Variants in GFM2 observed in about 807,000 individuals in gnomAD.
GFM2 encodes the protein GTP dependent ribosome recycling factor mitochondrial 2, also known as ribosome-releasing factor 2, mitochondrial.
A neutral mutation model predicts 95.4 loss-of-function variants in GFM2; 72 were observed. The observed-to-expected ratio is 0.76, with a 90% confidence interval of 0.62 to 0.92. The LOEUF (loss-of-function observed/expected upper bound fraction) is 0.92. GFM2 is among the 40% of genes least tolerant of loss of function. The pLI is 0.00. For missense variants in GFM2, 825 were observed against 924.1 expected (o/e 0.89, Z 1.39); for synonymous variants, 276 against 317.5 (o/e 0.87, Z 1.39).
chr5:74,723,378 T>C, intron 19 of GFM2, among the ~76,000 whole-genome samples: 1 of 152,188 alleles, frequency 6.6e-6, no homozygotes, highest in East Asian at 1.9e-4. Context: ...GAGCTCATCA[T>C]TTTCTTCTCC....
chr5:74,730,126 A>C lies in GFM2; in HGVS notation c.1726+134T>G. On this transcript the variant is annotated intron_variant, in intron 17 of 20. Coordinates refer to ENST00000296805, the MANE Select transcript of GFM2 (RefSeq NM_032380.5). ...CAAAACAAAATCCTAAAAAAACAAA[A>C]AAACCCCACATACATAAAAACTGTC... 3.6e-6 allele frequency: 3 copies of C among 823,052 alleles called. No individual in the cohort carries two copies. The African/African-American group carries it at 5.2e-5, about 14-fold the overall frequency. 51.0% of individuals were successfully genotyped at this position (823,052 alleles called of 1,614,324 possible).
chr5:74,745,201 T>C (rs2112292878), intron 10 of GFM2, among the ~76,000 whole-genome samples: 1 of 152,040 alleles, frequency 6.6e-6, no homozygotes, highest in East Asian at 1.9e-4. Context: ...AAAAATTAGC[T>C]TGGAGTGGTG....
At chr5:74,740,794 T>A (rs528982897) in intron 11 of GFM2, among the ~76,000 whole-genome samples, 1 of 152,288 alleles carries the variant, frequency 6.6e-6, no homozygotes, top group South Asian at 2.1e-4. Flanking sequence ...TTTTTTTCAT[T>A]CTAACTTATG....
Position 74,747,753 on chromosome 5 carries a change from C to T in GFM2, c.547G>A (p.Ala183Thr). The T allele has an allele frequency of 1.2e-6, 2 of 1,611,558 alleles. No homozygotes were observed. Among genetic ancestry groups the T allele is most frequent in the Non-Finnish European group, 1.7e-6 (2 of 1,178,076 alleles). Reference protein sequence around the residue: ...EAQTLTVWRQADKHNIPRICF... With the variant: ...EAQTLTVWRQTDKHNIPRICF... ...ATTCGAGGTATATTGTGTTTATCAGCTTGCCTCCATACTGTGAGAGTCTGG... is the reference window on the plus strand; with the variant it reads ...ATTCGAGGTATATTGTGTTTATCAGTTTGCCTCCATACTGTGAGAGTCTGG... The change falls in exon 8 of 21, where the codon GCT becomes ACT. Residue 183 changes from alanine to threonine, a missense_variant. Transcript: ENST00000296805.
intron 7 of GFM2, among the ~76,000 whole-genome samples, chr5:74,749,655 A>G (rs1450356405): frequency 1.3e-5 from 2 of 152,184 alleles, no homozygotes; most frequent in Non-Finnish European, 2.9e-5. Flanking sequence ...AAGAACAATC[A>G]TATTCTCTTA....
chr5:74,734,839 T>A (rs189691886), intron 15 of GFM2, among the ~76,000 whole-genome samples: 1 of 152,302 alleles, frequency 6.6e-6, no homozygotes, highest in Admixed American at 6.5e-5. Context: ...TCCCTTCCTC[T>A]TGGGGGCTTA....
At position 74,721,794 on chromosome 5, in the gene GFM2, T is replaced by C. The variant is rs1204845251; in HGVS notation, c.2212-11A>G. 4 of 1,596,844 alleles carry C rather than the reference T, an allele frequency of 2.5e-6. No individual in the cohort carries two copies. The highest frequency in any genetic ancestry group is 2.6e-6 in the Non-Finnish European group (3 of 1,175,158). On this transcript the variant is annotated splice_polypyrimidine_tract_variant and intron_variant, in intron 20 of 20. Transcript: ENST00000296805. ...CACAGTTGAATAACCCTAATCAAAA[T>C]AATTTAAGTCATTTATATTATCAAA...
At chr5:74,725,246 C>T (rs1221460747) in intron 19 of GFM2, 2 of 166,828 alleles carry the variant, frequency 1.2e-5, no homozygotes, top group African/African-American at 4.8e-5. Flanking sequence ...AAACTGGAAC[C>T]AATATTGGAT....
chr5:74,730,151 C>G, intron 17 of GFM2, 109 bp downstream of exon 17: 4 of 1,032,716 alleles, frequency 3.9e-6, no homozygotes, highest in South Asian at 4.2e-5. Flanking sequence ...TAAAAACTGT[C>G]TCCTCTGATA....
chr5:74,735,012 G>GA (rs1742763083), intron 15 of GFM2, among the ~76,000 whole-genome samples: 1 of 152,120 alleles, frequency 6.6e-6, no homozygotes, highest in South Asian at 2.1e-4. Flanking sequence ...AATATAAAAT[G>GA]ACTCTCAAAT....
At position 74,763,596 on chromosome 5, in the gene GFM2, C is replaced by G. The variant is rs981746361; in HGVS notation, c.63+84G>C. On this transcript the variant is annotated intron_variant, in intron 2 of 20. Coordinates refer to ENST00000296805, the MANE Select transcript of GFM2 (RefSeq NM_032380.5). ...ATGACTCAACTAAATTTGGAATCAA[C>G]AGCTGATGAGATATACTGGGCATTT... is the stretch of plus-strand genomic sequence containing the variant. 7.1e-6 allele frequency: 5 copies of G among 707,138 alleles called. No homozygotes were observed. In the African/African-American group the frequency reaches 8.8e-5, roughly 12 times the overall value. 43.8% of individuals were successfully genotyped at this position (707,138 alleles called of 1,614,324 possible). A position where few individuals can be genotyped will look rare whatever the true frequency, so the allele number is the denominator to read the frequency against.
At chr5:74,766,213 A>G (rs1283011038) in intron 1 of GFM2, among the ~76,000 whole-genome samples, 3 of 152,184 alleles carry the variant, frequency 2.0e-5, no homozygotes, top group African/African-American at 7.2e-5. Context: ...CTGAGGTCGG[A>G]GGATCGCTTG....
intron 8 of GFM2, among the ~76,000 whole-genome samples, chr5:74,747,218 C>T (rs1317085642): frequency 6.6e-6 from 1 of 152,216 alleles, no homozygotes; most frequent in Non-Finnish European, 1.5e-5. Context: ...GCAGGTCTTA[C>T]AGCATCTACA....
At chr5:74,745,938 C>T in intron 9 of GFM2, 81 bp from the exon 10 acceptor site, 1 of 1,257,538 alleles carries the variant, frequency 8.0e-7, no homozygotes, top group Non-Finnish European at 1.1e-6. Context: ...TCTAATTGTA[C>T]CATTTTCCCC....
Position 74,738,621 on chromosome 5 carries a change from TA to T in GFM2, c.1100del (p.Leu367TyrfsTer27). The T allele has an allele frequency of 6.2e-7, 1 of 1,612,854 alleles. No homozygotes were observed. Among genetic ancestry groups the T allele is most frequent in the East Asian group, 2.2e-5 (1 of 44,866 alleles). On this transcript the variant is annotated frameshift_variant, in exon 13 of 21. Transcript: ENST00000296805. LOFTEE classifies it high-confidence loss of function. Reference protein sequence around the residue: ...YEFLQWYKDDLCALAFKVLHD... With the variant: ...YEFLQWYKDDXCALAFKVLHD... ...GGAGAACTTTAAATGCCAATGCACA[TA>T]AGTCATCCTTATACCACTGCCTATA...
intron 5 of GFM2, among the ~76,000 whole-genome samples, chr5:74,753,416 G>A (rs978196160): frequency 1.3e-5 from 2 of 152,234 alleles, no homozygotes; most frequent in South Asian, 4.2e-4. Flanking sequence ...TGGCCAACAT[G>A]GTGAAACCTT....
chr5:74,758,808 T>C (rs1443588672), intron 5 of GFM2, 41 bp downstream of exon 5: 4 of 1,244,420 alleles, frequency 3.2e-6, no homozygotes, highest in Non-Finnish European at 4.7e-6. Context: ...AATGATGCTT[T>C]TGCTAATGGG....
Position 74,730,292 on chromosome 5 carries a change from C to T in GFM2, c.1694G>A (p.Arg565Gln), listed in dbSNP as rs772132644. Reference protein sequence around the residue: ...TYLGPLQVAYRETILNSVRAT... With the variant: ...TYLGPLQVAYQETILNSVRAT... ...ACGAACTGAGTTTAGGATGGTCTCT[C>T]GATATGCCACCTGGAGAGGCCCGAG... Residue 565 changes from arginine to glutamine, a missense_variant, in exon 17 of 21, where the codon CGA (arginine) becomes CAA (glutamine). Physicochemically the swap from Arg to Gln is conservative, Grantham distance 43. Coordinates refer to ENST00000296805, the MANE Select transcript of GFM2 (RefSeq NM_032380.5). 5.0e-6 allele frequency: 8 copies of T among 1,611,960 alleles called. No individual in the cohort carries two copies. Among genetic ancestry groups the T allele is most frequent in the Admixed American group, 1.7e-5 (1 of 59,444 alleles).
chr5:74,741,441 A>C, intron 11 of GFM2, 88 bp downstream of exon 11: 1 of 668,302 alleles, frequency 1.5e-6, no homozygotes, highest in Non-Finnish European at 2.6e-6. Flanking sequence ...AAAGTTTAAA[A>C]AAAAAATGCA....
Sources: gnomAD v4.1 joint callset for allele counts (sites outside exome capture counted in the v4.1 genomes callset) on GRCh38, gnomAD v4.1.1 for gene constraint, MANE v1.5 for transcripts, NCBI Gene and HGNC (gene_info 2026-07-23, HGNC 2026-07-21) for gene names.